Variants in ZAN observed in about 807,000 individuals in gnomAD.
The protein encoded by ZAN is zonadhesin (gene/pseudogene).
A neutral mutation model predicts 286.2 loss-of-function variants in ZAN; 260 were observed. The ratio of observed to expected loss-of-function variants is 0.91; its 90% confidence interval spans 0.82 to 1.01. The LOEUF (loss-of-function observed/expected upper bound fraction) is 1.01, where lower values mean the gene tolerates loss of function less well. Among genes scored for constraint, ZAN ranks in the 50% least tolerant of loss-of-function variants. The probability of loss-of-function intolerance (pLI) is 0.00; values close to 1 mark genes in which losing one functional copy is unlikely to be tolerated. For synonymous variants in ZAN, 1,368 were observed against 1,417.5 expected (o/e 0.97, Z 0.79); for missense variants, 3,410 against 3,639.2 (o/e 0.94, Z 1.62).
rs1809050097 is a variant in ZAN, at chr7:100,755,157, A to T, written c.3125-69A>T. On this transcript the variant is annotated intron_variant, in intron 14 of 47. Transcript: ENST00000613979. The stretch of plus-strand genomic sequence containing the variant: ...GAGAAGAACTTGAGTTTGGGGGTAG[A>T]GGAGAGACAGGGAGACTCCCTGAGA... 40 of 1,512,034 alleles carry T rather than the reference A, an allele frequency of 2.6e-5. No individual in the cohort carries two copies. In the South Asian group the frequency reaches 4.7e-4, roughly 18 times the overall value. 93.7% of individuals were successfully genotyped at this position (1,512,034 alleles called of 1,614,324 possible).
In ZAN at chr7:100,770,835, ACT is replaced by A. The variant is rs201416306; in HGVS notation, c.5248+864_5248+865del. On this transcript the variant is annotated intron_variant, in intron 28 of 47. Coordinates refer to ENST00000613979, the MANE Select transcript of ZAN (RefSeq NM_003386.3). ...ATGCCCAACTAATTTTTTTTTTCTC[ACT>A]CTGTTGCCCAGGCTGGAGTGCAATG... 8.4e-4 allele frequency among the ~76,000 whole-genome samples: 126 copies of A among 150,090 alleles called. 1 individual carries two copies. In the East Asian group the frequency reaches 0.022, roughly 26 times the overall value.
At chr7:100,761,884 A>C (rs987681345) in intron 19 of ZAN, among the ~76,000 whole-genome samples, 1 of 151,880 alleles carries the variant, frequency 6.6e-6, no homozygotes, top group Admixed American at 6.6e-5. Flanking sequence ...GGTTGCAGTG[A>C]GCCGAGGTTG....
chr7:100,746,424 A>G, intron 7 of ZAN, 114 bp from the exon 8 acceptor site: 2 of 1,338,170 alleles, frequency 1.5e-6, no homozygotes, highest in South Asian at 1.5e-5. Flanking sequence ...GCCTGATTCT[A>G]GGCTGCTGTT....
At chr7:100,770,028 G>A in intron 28 of ZAN, 54 bp downstream of exon 28, 3 of 1,507,998 alleles carry the variant, frequency 2.0e-6, no homozygotes, top group Non-Finnish European at 2.7e-6. Context: ...GGAGGCTGGG[G>A]AGGGAGTCTA....
rs752389582 is a variant in ZAN, at chr7:100,750,705, G to A, written c.1330G>A (p.Ala444Thr). ...CAGACTGGTGAGCCGGCCCTTCTGC[G>A]CCCCAGGTGACATCTGCGTGGAGTT... ...SVRLVSRPFC[A>T]PGDICVEFAY... The change falls in exon 12 of 48, where the codon GCC (alanine) becomes ACC (threonine). Residue 444 changes from alanine (A) to threonine (T), a missense_variant. By Grantham distance (58) the Ala-to-Thr change is moderately conservative. Around this residue, in one of 7 missense-constraint regions of ZAN, gnomAD observed 872 missense variants for 938.9 expected, o/e 0.93. Coordinates refer to ENST00000613979, the MANE Select transcript of ZAN (RefSeq NM_003386.3). 7 of 1,612,870 alleles carry A rather than the reference G, an allele frequency of 4.3e-6. No homozygotes were observed. The highest frequency in any genetic ancestry group is 3.3e-5 in the Admixed American group (2 of 59,788).
At chr7:100,792,178 T>C (rs1251096506) in intron 41 of ZAN, 30 bp downstream of exon 41, 1 of 1,565,518 alleles carries the variant, frequency 6.4e-7, no homozygotes, top group East Asian at 2.3e-5. Context: ...CTTGTGGGAA[T>C]GGCCCAGGTG....
intron 7 of ZAN, among the ~76,000 whole-genome samples, chr7:100,741,461 G>A (rs1278994348): frequency 1.6e-5 from 1 of 60,662 alleles, no homozygotes; most frequent in African/African-American, 5.0e-5. Flanking sequence ...AGGGGTGGCC[G>A]GGCAGAGGCG....
At chr7:100,739,137 A>T (rs1807569925) in intron 7 of ZAN, among the ~76,000 whole-genome samples, 1 of 133,144 alleles carries the variant, frequency 7.5e-6, no homozygotes, top group South Asian at 2.4e-4. Context: ...TCAACCTCCC[A>T]AGTAGCTGAG....
At chr7:100,758,945 C>T (rs1484594089) in intron 17 of ZAN, among the ~76,000 whole-genome samples, 1 of 151,860 alleles carries the variant, frequency 6.6e-6, no homozygotes. Flanking sequence ...AAAATCAGGC[C>T]GGGCTCAGTG....
chr7:100,742,748 C>A (rs1463050623), intron 7 of ZAN, among the ~76,000 whole-genome samples: 1 of 61,612 alleles, frequency 1.6e-5, no homozygotes, highest in East Asian at 3.5e-4. Flanking sequence ...CGCAGGCACT[C>A]GGCAGGCTGA....
intron 7 of ZAN, among the ~76,000 whole-genome samples, chr7:100,744,485 A>G (rs1228465841): frequency 6.6e-6 from 1 of 150,882 alleles, no homozygotes; most frequent in Non-Finnish European, 1.5e-5. Context: ...TGTAATCCCA[A>G]CACTCGGGAG....
intron 29 of ZAN, among the ~76,000 whole-genome samples, chr7:100,772,636 A>C (rs1474731084): frequency 1.3e-5 from 2 of 151,764 alleles, no homozygotes; most frequent in Non-Finnish European, 2.9e-5. Flanking sequence ...CCTGGCTAAC[A>C]CGGAGAAACC....
At chr7:100,756,808 G>A (rs1688617072) in intron 15 of ZAN, among the ~76,000 whole-genome samples, 1 of 151,104 alleles carries the variant, frequency 6.6e-6, no homozygotes, top group Non-Finnish European at 1.5e-5. Context: ...CGCTCTTGTT[G>A]CCCACGCTGG....
chr7:100,736,670 T>C lies in ZAN; in HGVS notation c.253+41T>C. 3 of 1,512,910 alleles carry C rather than the reference T, an allele frequency of 2.0e-6. 1 individual carries two copies. The highest frequency in any genetic ancestry group is 2.7e-6 in the Non-Finnish European group (3 of 1,104,256). The allele number at this position is 1,512,910 out of a possible 1,614,324, so 93.7% of individuals were successfully genotyped here. A position where few individuals can be genotyped will look rare whatever the true frequency, so the allele number is the denominator to read the frequency against. On this transcript the variant is annotated intron_variant, in intron 4 of 47. Coordinates refer to ENST00000613979, the MANE Select transcript of ZAN (RefSeq NM_003386.3). ...TTCCAGGGGACCATGAGCAGGGAGG[T>C]GGCTGGGAGGCGGGAGTGGCTAGAT...
intron 34 of ZAN, 120 bp downstream of exon 34, chr7:100,776,684 TTC>T (rs1562947352): frequency 6.1e-6 from 4 of 654,072 alleles, no homozygotes; most frequent in Non-Finnish European, 2.2e-6. Flanking sequence ...CTTTCTTCCT[TTC>T]TCTCTTTCTC....
Position 100,760,921 on chromosome 7 carries a change from A to T in ZAN, c.3842+385A>T, listed in dbSNP as rs75733907. On this transcript the variant is annotated intron_variant, in intron 19 of 47. Coordinates refer to ENST00000613979, the MANE Select transcript of ZAN (RefSeq NM_003386.3). ...TTCTTCTTCTTTTTTTTGAGACAGG[A>T]TCTCTCGCTCTGTTCCCTAGGCTGG... Among the ~76,000 whole-genome samples, 499 of 152,080 alleles carry T rather than the reference A, an allele frequency of 3.3e-3. 3 individuals are homozygous for T. Among genetic ancestry groups the T allele is most frequent in the African/African-American group, 0.011 (460 of 41,506 alleles).
chr7:100,774,558 T>C (rs1810617661), intron 31 of ZAN, among the ~76,000 whole-genome samples: 1 of 152,248 alleles, frequency 6.6e-6, no homozygotes, highest in Admixed American at 6.6e-5. Flanking sequence ...ACATTGCACC[T>C]GTAGTCCCTG....
rs1426938066 is a variant in ZAN at position 100,791,038 on chromosome 7, C to T, written c.7454C>T (p.Ala2485Val). Residue 2485 changes from alanine (A) to valine (V), a missense_variant, in exon 40 of 48, where the codon GCC (alanine) becomes GTC (valine). Transcript: ENST00000613979. ...AATGACATGATGCTGCCCAGTGGCG[C>T]CCTGACCCAGAACCTCAACACCTTT... ...RKNDMMLPSG[A>V]LTQNLNTFGN... The T allele has an allele frequency of 3.1e-6, 5 of 1,613,044 alleles. No individual in the cohort carries two copies. Among genetic ancestry groups the T allele is most frequent in the East Asian group, 2.2e-5 (1 of 44,858 alleles).
chr7:100,781,233 A>G (rs1811177391), intron 35 of ZAN, among the ~76,000 whole-genome samples: 1 of 151,924 alleles, frequency 6.6e-6, no homozygotes. Context: ...ACACCCAGGT[A>G]ATTTTTGTAT....
Sources: gnomAD v4.1 joint callset for allele counts (sites outside exome capture counted in the v4.1 genomes callset) on GRCh38, gnomAD v4.1.1 for gene constraint, gnomAD v4.1.1 regional missense constraint, MANE v1.5 for transcripts, NCBI Gene and HGNC (gene_info 2026-07-23, HGNC 2026-07-21) for gene names.